Variants in RAPGEF2 observed in about 807,000 individuals in gnomAD.
RAPGEF2 encodes Rap guanine nucleotide exchange factor 2.
Under a neutral mutation model 186.7 loss-of-function variants are expected in RAPGEF2, and 54 were observed. The ratio of observed to expected loss-of-function variants is 0.29; its 90% confidence interval spans 0.23 to 0.36. The LOEUF is 0.36. Ranked by LOEUF, RAPGEF2 falls within the 10% of genes least tolerant of loss-of-function variation. RAPGEF2 has a pLI of 1.00. For missense variants in RAPGEF2, 1,532 were observed against 2,045.0 expected, an observed-to-expected ratio of 0.75 and a Z score of 4.84; for synonymous variants, 712 against 705.9, an observed-to-expected ratio of 1.01 and a Z score of -0.14.
chr4:159,124,837 A>G (rs777395461), intron 1 of RAPGEF2, among the ~76,000 whole-genome samples: 3 of 152,234 alleles, frequency 2.0e-5, no homozygotes, highest in African/African-American at 7.2e-5. Flanking sequence ...TGTTATTAAC[A>G]TAACTTTGCA....
intron 4 of RAPGEF2, among the ~76,000 whole-genome samples, chr4:159,220,767 A>G (rs1453518674): frequency 1.3e-5 from 2 of 152,162 alleles, no homozygotes; most frequent in Non-Finnish European, 1.5e-5. Context: ...GGGCTCTATT[A>G]TTCATCTTTG....
chr4:159,324,496 C>T (rs1027978261), intron 11 of RAPGEF2, among the ~76,000 whole-genome samples: 3 of 152,002 alleles, frequency 2.0e-5, no homozygotes, highest in Non-Finnish European at 4.4e-5. Context: ...ATAATCTCAT[C>T]AAAATATGGA....
At chr4:159,196,584 G>A (rs1748677339) in intron 3 of RAPGEF2, among the ~76,000 whole-genome samples, 1 of 152,202 alleles carries the variant, frequency 6.6e-6, no homozygotes, top group Non-Finnish European at 1.5e-5. Context: ...ATGTGGAACC[G>A]ATAATAATAG....
chr4:159,295,720 AGT>A (rs71589223), intron 7 of RAPGEF2, among the ~76,000 whole-genome samples: 16,375 of 134,172 alleles, frequency 0.12, 1,112 homozygotes, highest in East Asian at 0.3. Context: ...AGAGTGTGTG[AGT>A]GTGTGTGTGT....
intron 1 of RAPGEF2, among the ~76,000 whole-genome samples, chr4:159,123,740 G>C (rs934716881): frequency 6.6e-6 from 1 of 151,830 alleles, no homozygotes; most frequent in Non-Finnish European, 1.5e-5. Context: ...GGATGGTCTC[G>C]ATCTCCTGAC....
chr4:159,113,657 A>C (rs1337834477), intron 1 of RAPGEF2, among the ~76,000 whole-genome samples: 1 of 149,572 alleles, frequency 6.7e-6, no homozygotes, highest in Non-Finnish European at 1.5e-5. Context: ...CAAGAGAATC[A>C]CTTGAACCCA....
chr4:159,317,073 A>G (rs1266085300), intron 9 of RAPGEF2, among the ~76,000 whole-genome samples: 1 of 152,212 alleles, frequency 6.6e-6, no homozygotes, highest in Non-Finnish European at 1.5e-5. Context: ...GAATTGATAA[A>G]GGATGGTGTG....
At chr4:159,254,119 A>G (rs1755840605) in intron 7 of RAPGEF2, among the ~76,000 whole-genome samples, 1 of 152,192 alleles carries the variant, frequency 6.6e-6, no homozygotes, top group African/African-American at 2.4e-5. Flanking sequence ...GTGGAGATAT[A>G]ATGTAATTAA....
intron 7 of RAPGEF2, among the ~76,000 whole-genome samples, chr4:159,252,561 C>T (rs1490713563): frequency 6.6e-6 from 1 of 152,194 alleles, no homozygotes; most frequent in Non-Finnish European, 1.5e-5. Flanking sequence ...ATACTGACGG[C>T]TCAGTTTAAA....
At chr4:159,306,461 A>G (rs1309661048) in intron 8 of RAPGEF2, among the ~76,000 whole-genome samples, 2 of 152,074 alleles carry the variant, frequency 1.3e-5, no homozygotes, top group Non-Finnish European at 2.9e-5. Flanking sequence ...AATGCTACTG[A>G]TTTGTGCATA....
chr4:159,227,188 G>C (rs1306478180), intron 4 of RAPGEF2, among the ~76,000 whole-genome samples: 1 of 152,106 alleles, frequency 6.6e-6, no homozygotes, highest in Admixed American at 6.5e-5. Context: ...TTGAAATCTT[G>C]TTTGATTCTT....
At chr4:159,289,493 G>A (rs140682270) in intron 7 of RAPGEF2, among the ~76,000 whole-genome samples, 266 of 152,182 alleles carry the variant, frequency 1.7e-3, no homozygotes, top group African/African-American at 5.9e-3. Context: ...CTATAGAGCT[G>A]GTAAGGAAAA....
At chr4:159,117,583 GT>G (rs1324685935) in intron 1 of RAPGEF2, among the ~76,000 whole-genome samples, 64 of 143,406 alleles carry the variant, frequency 4.5e-4, no homozygotes, top group East Asian at 1.0e-3. Flanking sequence ...CGATGGTTGG[GT>G]TTTTTTTTTT....
chr4:159,347,356 AT>A (rs1561327677), intron 25 of RAPGEF2, among the ~76,000 whole-genome samples: 1 of 152,248 alleles, frequency 6.6e-6, no homozygotes, highest in Non-Finnish European at 1.5e-5. Flanking sequence ...TAAGCAGAAT[AT>A]TTTTAAGTTA....
At chr4:159,325,604 T>G (rs1342727997) in intron 11 of RAPGEF2, among the ~76,000 whole-genome samples, 4 of 34,278 alleles carry the variant, frequency 1.2e-4, no homozygotes, top group Admixed American at 3.1e-4. Context: ...AGTTTGTTTG[T>G]TTTTTTTTGA....
chr4:159,358,845 C>A lies in RAPGEF2; in HGVS notation c.*706C>A, dbSNP rs930076318. 2 of 152,192 alleles carry A rather than the reference C, an allele frequency of 1.3e-5. No homozygotes were observed. Among genetic ancestry groups the A allele is most frequent in the African/African-American group, 4.8e-5 (2 of 41,454 alleles). The allele number at this position is 152,192 out of a possible 1,614,324, so 9.4% of individuals were successfully genotyped here. A position where few individuals can be genotyped will look rare whatever the true frequency, so the allele number is the denominator to read the frequency against. On this transcript the variant is annotated 3_prime_UTR_variant, in exon 30 of 30. Coordinates refer to ENST00000691494, the MANE Select transcript of RAPGEF2 (RefSeq NM_001394067.2). Reference sequence around the variant, plus strand: ...AAGACGGGAAGACCTGGCTTGTGACCCTGGCTTCCCATGTCCTTCTGGTCT... The same window carrying A: ...AAGACGGGAAGACCTGGCTTGTGACACTGGCTTCCCATGTCCTTCTGGTCT...
chr4:159,331,385 T>C, intron 13 of RAPGEF2, 46 bp from the exon 14 acceptor site: 1 of 1,178,320 alleles, frequency 8.5e-7, no homozygotes, highest in Non-Finnish European at 1.2e-6. Flanking sequence ...TTAATCACAT[T>C]TTTGGCACTA....
intron 17 of RAPGEF2, among the ~76,000 whole-genome samples, chr4:159,333,277 C>T (rs1579978100): frequency 6.6e-6 from 1 of 152,150 alleles, no homozygotes; most frequent in South Asian, 2.1e-4. Flanking sequence ...TGCACCCAGC[C>T]GCAGGTTTGG....
At chr4:159,165,714 C>G (rs1182940881) in intron 1 of RAPGEF2, among the ~76,000 whole-genome samples, 1 of 152,030 alleles carries the variant, frequency 6.6e-6, no homozygotes, top group East Asian at 1.9e-4. Flanking sequence ...ACTTCAGCCT[C>G]TTGAGTAGGG....
Sources: gnomAD v4.1 joint callset for allele counts (sites outside exome capture counted in the v4.1 genomes callset) on GRCh38, gnomAD v4.1.1 for gene constraint, MANE v1.5 for transcripts, NCBI Gene and HGNC (gene_info 2026-07-23, HGNC 2026-07-21) for gene names.